TOPAZ1: variants seen among roughly 807,000 people sequenced by gnomAD.
TOPAZ1 encodes testis and ovary specific TOPAZ 1.
TOPAZ1 carries 66 observed loss-of-function variants against 172.2 expected under a neutral mutation model. That is an observed-to-expected ratio of 0.38 (90% CI 0.31 to 0.47). The LOEUF is 0.47. TOPAZ1 is among the 20% of genes least tolerant of loss of function. The pLI, the probability that TOPAZ1 is intolerant of heterozygous loss-of-function variation, is 0.99. For synonymous variants in TOPAZ1, 681 were observed against 683.9 expected, an observed-to-expected ratio of 1.00 and a Z score of 0.07; for missense variants, 1,822 against 1,972.4, an observed-to-expected ratio of 0.92 and a Z score of 1.44.
chr3:44,271,768 A>C (rs1049690832), intron 8 of TOPAZ1, among the ~76,000 whole-genome samples: 1 of 152,108 alleles, frequency 6.6e-6, no homozygotes, highest in Non-Finnish European at 1.5e-5. Context: ...AATATTTGAA[A>C]TTTACTCTTA....
intron 12 of TOPAZ1, among the ~76,000 whole-genome samples, chr3:44,292,633 G>A (rs1201823640): frequency 1.3e-5 from 2 of 152,140 alleles, no homozygotes; most frequent in Non-Finnish European, 2.9e-5. Context: ...GAAGACCCCA[G>A]AACAATCCAG....
chr3:44,325,800 T>C (rs1390754281), intron 18 of TOPAZ1, among the ~76,000 whole-genome samples: 1 of 152,260 alleles, frequency 6.6e-6, no homozygotes, highest in Middle Eastern at 3.4e-3. Context: ...CATATCACCA[T>C]GCGCAGCTAA....
intron 14 of TOPAZ1, among the ~76,000 whole-genome samples, chr3:44,305,962 A>C (rs941494503): frequency 1.3e-5 from 2 of 152,096 alleles, no homozygotes; most frequent in Non-Finnish European, 2.9e-5. Context: ...TTAAGTTGTT[A>C]CTCTCTTTAC....
intron 8 of TOPAZ1, among the ~76,000 whole-genome samples, chr3:44,271,544 AT>A (rs1699899000): frequency 6.6e-6 from 1 of 152,132 alleles, no homozygotes. Context: ...GTGTGTATGT[AT>A]ATCTATATAT....
At chr3:44,303,974 G>T in intron 12 of TOPAZ1, 41 bp from the exon 13 acceptor site, 1 of 1,218,398 alleles carries the variant, frequency 8.2e-7, no homozygotes, top group South Asian at 1.4e-5. Flanking sequence ...TGACTTTTAA[G>T]GGGTGAATAT....
intron 16 of TOPAZ1, among the ~76,000 whole-genome samples, chr3:44,320,677 T>A (rs1700498447): frequency 6.6e-6 from 1 of 152,208 alleles, no homozygotes; most frequent in Admixed American, 6.5e-5. Flanking sequence ...GTGAAATTGT[T>A]AAACTTGTCC....
At chr3:44,263,247 CT>C (rs1261182349) in intron 5 of TOPAZ1, among the ~76,000 whole-genome samples, 1 of 151,982 alleles carries the variant, frequency 6.6e-6, no homozygotes, top group African/African-American at 2.4e-5. Flanking sequence ...TTTGGAGATA[CT>C]AAAGAAAAAG....
intron 4 of TOPAZ1, among the ~76,000 whole-genome samples, chr3:44,259,326 T>A (rs1378536054): frequency 2.0e-5 from 3 of 152,152 alleles, no homozygotes; most frequent in African/African-American, 7.2e-5. Flanking sequence ...ATGGTTGTTA[T>A]CTGCAGAAGA....
intron 16 of TOPAZ1, among the ~76,000 whole-genome samples, chr3:44,311,141 A>G (rs1422943702): frequency 6.6e-6 from 1 of 152,170 alleles, no homozygotes; most frequent in African/African-American, 2.4e-5. Flanking sequence ...ATATATTCAT[A>G]TACATGTGAT....
At chr3:44,300,203 T>G (rs199925334) in intron 12 of TOPAZ1, among the ~76,000 whole-genome samples, 1 of 151,704 alleles carries the variant, frequency 6.6e-6, no homozygotes, top group South Asian at 2.1e-4. Flanking sequence ...GAGGCCGAGG[T>G]GGGCAGATCA....
At chr3:44,328,931 C>T (rs1419679826) in intron 19 of TOPAZ1, among the ~76,000 whole-genome samples, 1 of 152,156 alleles carries the variant, frequency 6.6e-6, no homozygotes, top group Non-Finnish European at 1.5e-5. Flanking sequence ...CACCCTTTCA[C>T]GTAATTTTGT....
chr3:44,267,043 G>T lies in TOPAZ1; in HGVS notation c.3067G>T (p.Ala1023Ser). ...CTTTATGGTCGGCGAATGTCAATTTGCAGTACCAGTCCCGAAACCTCTGTG... is the reference window on the plus strand; with the variant it reads ...CTTTATGGTCGGCGAATGTCAATTTTCAGTACCAGTCCCGAAACCTCTGTG... ...ADFMVGECQFAVPVPKPLCLL... is the reference protein window; with the variant it reads ...ADFMVGECQFSVPVPKPLCLL... The change falls in exon 6 of 20, where the codon GCA becomes TCA. Residue 1023 changes from alanine (A) to serine (S), a missense_variant. Around this residue, in one of 2 missense-constraint regions of TOPAZ1, gnomAD observed 1,489 missense variants for 1,490.8 expected, o/e 1.00. Transcript: ENST00000309765. The T allele has an allele frequency of 6.5e-7, 1 of 1,548,956 alleles. No individual in the cohort carries two copies. The highest frequency in any genetic ancestry group is 8.7e-7 in the Non-Finnish European group (1 of 1,145,986).
chr3:44,328,291 T>G lies in TOPAZ1; in HGVS notation c.4717T>G (p.Leu1573Val). The G allele has an allele frequency of 1.3e-6, 2 of 1,512,796 alleles. No individual in the cohort carries two copies. Among genetic ancestry groups the G allele is most frequent in the Non-Finnish European group, 1.8e-6 (2 of 1,133,692 alleles). 93.7% of individuals were successfully genotyped at this position (1,512,796 alleles called of 1,614,324 possible). The change falls in exon 19 of 20, where the codon TTA becomes GTA. Residue 1573 changes from leucine to valine, a missense_variant. Coordinates refer to ENST00000309765, the MANE Select transcript of TOPAZ1 (RefSeq NM_001145030.2). ...TTGCTACCCACCATTGGAAGGAAAT[T>G]TATACCGAAAACTTCTTCTAATTCC... ...LGCYPPLEGN[L>V]YRKLLLIPSY...
intron 15 of TOPAZ1, among the ~76,000 whole-genome samples, chr3:44,306,645 C>G (rs562914833): frequency 1.1e-3 from 173 of 152,168 alleles, no homozygotes; most frequent in Non-Finnish European, 2.1e-3. Flanking sequence ...ACCTATAGTC[C>G]CAGCTACTCA....
intron 18 of TOPAZ1, among the ~76,000 whole-genome samples, chr3:44,327,153 A>G (rs1260581645): frequency 6.6e-6 from 1 of 152,190 alleles, no homozygotes; most frequent in Non-Finnish European, 1.5e-5. Context: ...CTAATTTCAA[A>G]GGTAGCATTT....
intron 8 of TOPAZ1, among the ~76,000 whole-genome samples, chr3:44,272,606 G>C (rs1263794484): frequency 6.6e-6 from 1 of 152,084 alleles, no homozygotes; most frequent in Admixed American, 6.5e-5. Flanking sequence ...CTGTTGCCCA[G>C]GCTGGAGTAC....
In TOPAZ1 at chr3:44,290,782, C is replaced by T. The variant is rs369925087; in HGVS notation, c.3693C>T (p.Ala1231=). Residue 1231 remains alanine, a synonymous_variant, in exon 12 of 20, where the codon GCC becomes GCT. Transcript: ENST00000309765. The part of the protein sequence containing the change: ...LIDIFCKLVE[A]GMVLDPEHFN... ...TTTCTCTTCTACAGCTTGTTGAAGC[C>T]GGGATGGTGCTTGACCCAGAGCACT... The T allele has an allele frequency of 3.0e-5, 46 of 1,544,458 alleles. No homozygotes were observed. The African/African-American group carries it at 5.1e-4, about 17-fold the overall frequency.
chr3:44,332,865 C>T (rs1575223078), downstream of TOPAZ1, among the ~76,000 whole-genome samples: 1 of 151,110 alleles, frequency 6.6e-6, no homozygotes, highest in East Asian at 1.9e-4. Context: ...GTGGCATGAT[C>T]AGGGCTCACT....
chr3:44,266,821 G>C (rs1699835017), intron 5 of TOPAZ1, among the ~76,000 whole-genome samples, 176 bp from the exon 6 acceptor site: 1 of 152,134 alleles, frequency 6.6e-6, no homozygotes, highest in African/African-American at 2.4e-5. Flanking sequence ...AGCACGTGCT[G>C]TTAGAAAAAT....
Sources: allele counts gnomAD v4.1 joint callset (sites outside exome capture counted in the v4.1 genomes callset), GRCh38; gene constraint gnomAD v4.1.1; regional missense constraint gnomAD v4.1.1; transcripts MANE v1.5; gene names NCBI Gene and HGNC (gene_info 2026-07-23, HGNC 2026-07-21).